Variants in GSTA1 observed in about 807,000 individuals in gnomAD.
The protein encoded by GSTA1 is glutathione S-transferase alpha 1.
In GSTA1, 23 loss-of-function variants were observed where a neutral mutation model predicts 21.5. The ratio of observed to expected loss-of-function variants is 1.07; its 90% CI spans 0.77 to 1.52. The LOEUF (loss-of-function observed/expected upper bound fraction) is 1.52. Ranked by LOEUF, GSTA1 falls within the 40% of genes most tolerant of loss-of-function variation. The pLI is 0.00. For missense variants in GSTA1, 301 were observed against 264.2 expected, an observed-to-expected ratio of 1.14 and a Z score of -0.96; for synonymous variants, 125 against 90.0, an observed-to-expected ratio of 1.39 and a Z score of -2.20.
At chr6:52,792,294 C>T (rs1209683939) in intron 6 of GSTA1, among the ~76,000 whole-genome samples, 1 of 152,080 alleles carries the variant, frequency 6.6e-6, no homozygotes, top group Non-Finnish European at 1.5e-5. Context: ...GAGATATCAA[C>T]ACAGATGAGT....
intron 4 of GSTA1, among the ~76,000 whole-genome samples, chr6:52,794,641 C>G (rs1763535866): frequency 6.6e-6 from 1 of 152,200 alleles, no homozygotes; most frequent in Non-Finnish European, 1.5e-5. Context: ...GGCCAAAGAC[C>G]TGCTTCCTAA....
rs200586489 is a variant in GSTA1, at chr6:52,792,019, G to T, written c.547-39C>A. On this transcript the variant is annotated intron_variant, in intron 6 of 6. Transcript: ENST00000334575. ...AGCACAGCCTCAGAGTGAAGCCAAG[G>T]GCTGACACCACCATTAACATGACCC... The T allele has an allele frequency of 4.3e-6, 7 of 1,611,716 alleles. No homozygotes were observed. In the Admixed American group the frequency reaches 1.2e-4, roughly 27 times the overall value.
intron 2 of GSTA1, 52 bp downstream of exon 2, chr6:52,799,129 T>A: frequency 1.4e-5 from 22 of 1,527,660 alleles, no homozygotes; most frequent in Non-Finnish European, 1.9e-5. Context: ...GGGAAAAGTA[T>A]GTGATAACAC....
chr6:52,792,775 C>A, intron 6 of GSTA1, 81 bp downstream of exon 6: 1 of 1,611,460 alleles, frequency 6.2e-7, no homozygotes. Flanking sequence ...TGGGGCAAAA[C>A]TTGGTCAGTC....
chr6:52,799,172 A>G lies in GSTA1; in HGVS notation c.87+9T>C. The G allele has an allele frequency of 6.2e-7, 1 of 1,612,724 alleles. No individual in the cohort carries two copies. ...AATCCAACTTAAGATGACCTAACTC[A>G]GAACCTACCTCTACTCCAGCTGCAG... is the stretch of plus-strand genomic sequence containing the variant. On this transcript the variant is annotated intron_variant, in intron 2 of 6. Coordinates refer to ENST00000334575, the MANE Select transcript of GSTA1 (RefSeq NM_145740.5).
chr6:52,792,903 C>G lies in GSTA1; in HGVS notation c.499G>C (p.Val167Leu). The G allele has an allele frequency of 6.2e-7, 1 of 1,614,062 alleles. No individual in the cohort carries two copies. The highest frequency in any genetic ancestry group is 8.5e-7 in the Non-Finnish European group (1 of 1,179,972). The change falls in exon 6 of 7, where the codon GTC (valine) becomes CTC (leucine). Residue 167 changes from valine to leucine, a missense_variant. By Grantham distance (32) the Val-to-Leu change is conservative. Transcript: ENST00000334575. ...DIHLVELLYY[V>L]EELDSSLISS... The stretch of plus-strand genomic sequence containing the variant: ...ATAAGACTGGAGTCAAGCTCCTCGA[C>G]GTAGTAGAGAAGTTCCACCAGATGA...
intron 4 of GSTA1, among the ~76,000 whole-genome samples, chr6:52,795,486 A>T (rs928901264): frequency 6.6e-6 from 1 of 152,200 alleles, no homozygotes; most frequent in South Asian, 2.1e-4. Flanking sequence ...TATACCTGTT[A>T]GAGGAACTGC....
intron 1 of GSTA1, among the ~76,000 whole-genome samples, chr6:52,799,578 A>T (rs945683097): frequency 2.6e-5 from 4 of 152,156 alleles, no homozygotes; most frequent in African/African-American, 9.7e-5. Context: ...TATAGGAGTT[A>T]TTGGAAGAGG....
At chr6:52,798,879 G>A (rs1036766181) in intron 2 of GSTA1, among the ~76,000 whole-genome samples, 2 of 152,002 alleles carry the variant, frequency 1.3e-5, no homozygotes, top group Non-Finnish European at 2.9e-5. Context: ...ATATTCAATC[G>A]ATATTCATGT....
At chr6:52,792,454 A>G (rs1202856438) in intron 6 of GSTA1, among the ~76,000 whole-genome samples, 1 of 152,170 alleles carries the variant, frequency 6.6e-6, no homozygotes, top group African/African-American at 2.4e-5. Flanking sequence ...GAGGAACACA[A>G]TGTCAGACAG....
chr6:52,796,283 C>A lies in GSTA1; in HGVS notation c.171G>T (p.Met57Ile). The A allele has an allele frequency of 6.2e-7, 1 of 1,613,500 alleles. No homozygotes were observed. The highest frequency in any genetic ancestry group is 8.5e-7 in the Non-Finnish European group (1 of 1,179,906). Residue 57 changes from methionine to isoleucine, a missense_variant, in exon 4 of 7, where the codon ATG becomes ATT. Transcript: ENST00000334575. ...CCAGCTTCATCCCATCAATCTCAAC[C>A]ATTGGCACTTGCTGGAACATCAAAT... ...DGYLMFQQVP[M>I]VEIDGMKLVQ... is the part of the protein sequence containing the mutation.
chr6:52,793,449 T>C (rs1187151156), intron 5 of GSTA1, among the ~76,000 whole-genome samples: 2 of 152,120 alleles, frequency 1.3e-5, no homozygotes, highest in African/African-American at 4.8e-5. Context: ...CTCATTTCTC[T>C]TTGTCTGCTC....
At chr6:52,793,678 A>AT (rs1763510891) in intron 5 of GSTA1, among the ~76,000 whole-genome samples, 1 of 152,220 alleles carries the variant, frequency 6.6e-6, no homozygotes, top group Admixed American at 6.5e-5. Flanking sequence ...CTTTTAAAAA[A>AT]TACCCATCCC....
chr6:52,794,045 G>C, intron 5 of GSTA1, 80 bp downstream of exon 5: 1 of 1,567,210 alleles, frequency 6.4e-7, no homozygotes, highest in East Asian at 2.2e-5. Context: ...GTGAAGATCA[G>C]TGACCCAGGA....
At chr6:52,799,319 T>A (rs1356201007) in intron 1 of GSTA1, 22 bp from the exon 2 acceptor site, 1 of 1,437,642 alleles carries the variant, frequency 7.0e-7, no homozygotes, top group Admixed American at 2.0e-5. Context: ...AATGAATGAA[T>A]GAATAATTGA....
intron 2 of GSTA1, 149 bp downstream of exon 2, chr6:52,799,032 G>A (rs546227483): frequency 8.4e-5 from 62 of 736,306 alleles, no homozygotes; most frequent in Middle Eastern, 2.7e-4. Context: ...AGAATTAATA[G>A]GTCAAATCTG....
intron 3 of GSTA1, 118 bp from the exon 4 acceptor site, chr6:52,796,432 T>C (rs1456301693): frequency 6.8e-6 from 9 of 1,322,112 alleles, no homozygotes; most frequent in Non-Finnish European, 7.3e-6. Context: ...TACTGCCTGG[T>C]AAGATTTCAC....
chr6:52,800,791 A>C (rs1763697942), intron 1 of GSTA1, among the ~76,000 whole-genome samples: 1 of 152,204 alleles, frequency 6.6e-6, no homozygotes. Context: ...CCCAGCTCTG[A>C]TATTTAACAT....
intron 5 of GSTA1, among the ~76,000 whole-genome samples, 192 bp from the exon 6 acceptor site, chr6:52,793,179 T>C (rs992539748): frequency 2.0e-5 from 3 of 152,156 alleles, no homozygotes; most frequent in Admixed American, 2.0e-4. Flanking sequence ...CACTCCTCAG[T>C]TGTAGCTCAG....
Sources: allele counts gnomAD v4.1 joint callset (sites outside exome capture counted in the v4.1 genomes callset), GRCh38; gene constraint gnomAD v4.1.1; transcripts MANE v1.5; gene names NCBI Gene and HGNC (gene_info 2026-07-23, HGNC 2026-07-21).